The following MARCKS variants were observed in gnomAD, a reference collection of about 807,000 sequenced individuals.
The protein encoded by MARCKS is myristoylated alanine rich protein kinase C substrate, also known as myristoylated alanine-rich C-kinase substrate.
Under a neutral mutation model 6.3 loss-of-function variants are expected in MARCKS, and 4 were observed. The ratio of observed to expected loss-of-function variants is 0.63; its 90% confidence interval spans 0.31 to 1.45. The LOEUF (loss-of-function observed/expected upper bound fraction) is 1.45. Among genes scored for constraint, MARCKS ranks in the 40% most tolerant of loss-of-function variants. The pLI is 0.07. For synonymous variants in MARCKS, 289 were observed against 236.5 expected (o/e 1.22, Z -2.04); for missense variants, 636 against 485.7 (o/e 1.31, Z -2.91).
At chr6:113,858,280 G>T (rs978114704) in intron 1 of MARCKS, among the ~76,000 whole-genome samples, 2 of 151,302 alleles carry the variant, frequency 1.3e-5, no homozygotes, top group East Asian at 1.9e-4. Context: ...GGGGGGAGTC[G>T]GGAAAGGGGG....
rs1030248559 is a variant in MARCKS at position 113,861,734 on chromosome 6, C to G, written c.*1155C>G. ...TTTGCTTACAAAAATTGCTATTAAA[C>G]TCCTGCTTAAGGTGTTCTAATTTTC... On this transcript the variant is annotated 3_prime_UTR_variant, in exon 2 of 2. Coordinates refer to ENST00000612661, the MANE Select transcript of MARCKS (RefSeq NM_002356.7). The G allele has an allele frequency of 1.3e-5, 2 of 152,626 alleles. No individual in the cohort carries two copies. The highest frequency in any genetic ancestry group is 4.8e-5 in the African/African-American group (2 of 41,448). 9.5% of individuals were successfully genotyped at this position (152,626 alleles called of 1,614,324 possible). A position where few individuals can be genotyped will look rare whatever the true frequency, so the allele number is the denominator to read the frequency against.
Position 113,859,907 on chromosome 6 carries a change from G to C in MARCKS, c.327G>C (p.Ala109=). 6.9e-7 allele frequency: 1 copy of C among 1,449,902 alleles called. No individual in the cohort carries two copies. Among genetic ancestry groups the C allele is most frequent in the Non-Finnish European group, 9.1e-7 (1 of 1,104,756 alleles). 89.8% of individuals were successfully genotyped at this position (1,449,902 alleles called of 1,614,324 possible). A position where few individuals can be genotyped will look rare whatever the true frequency, so the allele number is the denominator to read the frequency against. ...GCCCGGTAGAGAAGGAGGCCCCCGC[G>C]GAAGGCGAGGCTGCCGAGCCCGGCT... is the stretch of plus-strand genomic sequence containing the variant. ...GASPVEKEAP[A]EGEAAEPGSP... The change falls in exon 2 of 2, where the codon GCG becomes GCC. Residue 109 remains alanine (A), a synonymous_variant. Coordinates refer to ENST00000612661, the MANE Select transcript of MARCKS (RefSeq NM_002356.7).
rs1774859016 is a variant in MARCKS at position 113,859,908 on chromosome 6, G to A, written c.328G>A (p.Glu110Lys). Residue 110 changes from glutamate (E) to lysine (K), a missense_variant, in exon 2 of 2, where the codon GAA (glutamate) becomes AAA (lysine). Glu to Lys is a moderately conservative substitution (Grantham distance 56). Coordinates refer to ENST00000612661, the MANE Select transcript of MARCKS (RefSeq NM_002356.7). ...ASPVEKEAPA[E>K]GEAAEPGSPT... Reference sequence around the variant, plus strand: ...CCCGGTAGAGAAGGAGGCCCCCGCGGAAGGCGAGGCTGCCGAGCCCGGCTC... The same window carrying A: ...CCCGGTAGAGAAGGAGGCCCCCGCGAAAGGCGAGGCTGCCGAGCCCGGCTC... The A allele has an allele frequency of 6.9e-7, 1 of 1,451,204 alleles. No homozygotes were observed. 89.9% of individuals were successfully genotyped at this position (1,451,204 alleles called of 1,614,324 possible).
intron 1 of MARCKS, among the ~76,000 whole-genome samples, chr6:113,858,866 T>C (rs1774830376): frequency 1.3e-5 from 2 of 152,152 alleles, no homozygotes; most frequent in Admixed American, 1.3e-4. Context: ...CAGGGGAAGG[T>C]GGGCGTGGAA....
At position 113,860,693 on chromosome 6, in the gene MARCKS, G is replaced by T; in HGVS notation, c.*114G>T. The T allele has an allele frequency of 2.7e-6, 2 of 728,068 alleles. No individual in the cohort carries two copies. Among genetic ancestry groups the T allele is most frequent in the African/African-American group, 1.9e-5 (1 of 52,946 alleles). 45.1% of individuals were successfully genotyped at this position (728,068 alleles called of 1,614,324 possible). On this transcript the variant is annotated 3_prime_UTR_variant, in exon 2 of 2. Coordinates refer to ENST00000612661, the MANE Select transcript of MARCKS (RefSeq NM_002356.7). ...TCTACAACCAGGGATTGATTTTAAA[G>T]ATGTCTTTTTTTATTTTACTTTTTT...
chr6:113,860,389 A>C lies in MARCKS; in HGVS notation c.809A>C (p.Glu270Ala). 1 of 1,261,716 alleles carries C rather than the reference A, an allele frequency of 7.9e-7. No homozygotes were observed. Among genetic ancestry groups the C allele is most frequent in the Non-Finnish European group, 1.0e-6 (1 of 977,202 alleles). 78.2% of individuals were successfully genotyped at this position (1,261,716 alleles called of 1,614,324 possible). Residue 270 changes from glutamate (E) to alanine (A), a missense_variant, in exon 2 of 2, where the codon GAG becomes GCG. Glu to Ala is a moderately radical substitution (Grantham distance 107). Coordinates refer to ENST00000612661, the MANE Select transcript of MARCKS (RefSeq NM_002356.7). The part of the protein sequence containing the change: ...EPSKVEEKKA[E>A]EAGASAAACE... The stretch of plus-strand genomic sequence containing the variant: ...AGCAAGGTGGAGGAGAAAAAGGCCG[A>C]GGAGGCCGGGGCCAGCGCCGCCGCC...
intron 1 of MARCKS, 28 bp downstream of exon 1, chr6:113,857,875 T>A (rs771467511): frequency 1.3e-6 from 2 of 1,543,386 alleles, no homozygotes; most frequent in African/African-American, 2.7e-5. Flanking sequence ...TTGTGGTCAT[T>A]TATTTCGTGT....
rs1378011069 is a variant in MARCKS, at chr6:113,862,874, G to A, written c.*2295G>A. ...TTTTTAGTTAGGGTTTCTTGATCTT[G>A]GAGGATGTTTGAAAGTTAAAAATTG... On this transcript the variant is annotated 3_prime_UTR_variant, in exon 2 of 2. Coordinates refer to ENST00000612661, the MANE Select transcript of MARCKS (RefSeq NM_002356.7). 6.6e-6 allele frequency: 1 copy of A among 152,124 alleles called. No homozygotes were observed. The highest frequency in any genetic ancestry group is 1.5e-5 in the Non-Finnish European group (1 of 67,990). 9.4% of individuals were successfully genotyped at this position (152,124 alleles called of 1,614,324 possible). A position where few individuals can be genotyped will look rare whatever the true frequency, so the allele number is the denominator to read the frequency against.
At position 113,857,609 on chromosome 6, in the gene MARCKS, C is replaced by CCCCT; in HGVS notation, c.-130_-127dup. ...TTCTGTCCTCTCCACCACCCCCACC[C>CCCCT]CCCTCCCTCCGGTGTGTGTGCCGCT... On this transcript the variant is annotated 5_prime_UTR_variant, in exon 1 of 2. Transcript: ENST00000612661. 1 of 370,888 alleles carries CCCCT rather than the reference C, an allele frequency of 2.7e-6. No individual in the cohort carries two copies. The highest frequency in any genetic ancestry group is 5.2e-6 in the Non-Finnish European group (1 of 193,546). 23.0% of individuals were successfully genotyped at this position (370,888 alleles called of 1,614,324 possible).
rs1774898350 is a variant in MARCKS at position 113,861,303 on chromosome 6, T to C, written c.*724T>C. 1.3e-5 allele frequency: 2 copies of C among 152,612 alleles called. No individual in the cohort carries two copies. The allele number at this position is 152,612 out of a possible 1,614,324, so 9.5% of individuals were successfully genotyped here. A position where few individuals can be genotyped will look rare whatever the true frequency, so the allele number is the denominator to read the frequency against. On this transcript the variant is annotated 3_prime_UTR_variant, in exon 2 of 2. Transcript: ENST00000612661. ...AGTGATTAAGTAGAACTACAAGTTGTATAGGCTTTATTGTTTATTGCTGGT... is the reference window on the plus strand; with the variant it reads ...AGTGATTAAGTAGAACTACAAGTTGCATAGGCTTTATTGTTTATTGCTGGT...
Position 113,860,029 on chromosome 6 carries a change from C to A in MARCKS, c.449C>A (p.Thr150Asn). The A allele has an allele frequency of 1.3e-6, 2 of 1,570,328 alleles. No individual in the cohort carries two copies. The highest frequency in any genetic ancestry group is 2.4e-5 in the East Asian group (1 of 41,962). ...DGATPSPSNE[T>N]PKKKKKRFSF... ...GCCACGCCCTCGCCCAGCAACGAGA[C>A]CCCGAAAAAAAAAAAGAAGCGCTTT... is the stretch of plus-strand genomic sequence containing the variant. Residue 150 changes from threonine to asparagine, a missense_variant, in exon 2 of 2, where the codon ACC becomes AAC. By Grantham distance (65) the Thr-to-Asn change is moderately conservative. Coordinates refer to ENST00000612661, the MANE Select transcript of MARCKS (RefSeq NM_002356.7).
chr6:113,860,020 G>A lies in MARCKS; in HGVS notation c.440G>A (p.Ser147Asn). 6.4e-7 allele frequency: 1 copy of A among 1,568,562 alleles called. No homozygotes were observed. The highest frequency in any genetic ancestry group is 1.8e-5 in the Admixed American group (1 of 55,950). ...KAEDGATPSP[S>N]NETPKKKKKR... is the part of the protein sequence containing the mutation. ...GAGGACGGGGCCACGCCCTCGCCCA[G>A]CAACGAGACCCCGAAAAAAAAAAAG... Residue 147 changes from serine (S) to asparagine (N), a missense_variant, in exon 2 of 2, where the codon AGC becomes AAC. Transcript: ENST00000612661.
chr6:113,860,996 T>TA lies in MARCKS; in HGVS notation c.*417_*418insA, dbSNP rs1171466209. 150,602 of 152,480 alleles carry TA rather than the reference T, an allele frequency of 0.99. 74,403 individuals are homozygous for TA. Among genetic ancestry groups the TA allele is most frequent in the East Asian group, 1 (5,184 of 5,184 alleles). The allele number at this position is 152,480 out of a possible 1,614,324, so 9.4% of individuals were successfully genotyped here. A position where few individuals can be genotyped will look rare whatever the true frequency, so the allele number is the denominator to read the frequency against. On this transcript the variant is annotated 3_prime_UTR_variant, in exon 2 of 2. Coordinates refer to ENST00000612661, the MANE Select transcript of MARCKS (RefSeq NM_002356.7). ...CAAAAAGGGATATCAAATGAAGTGATGGGGTCACAATGGGGAAATTGAAGT... is the reference window on the plus strand; with the variant it reads ...CAAAAAGGGATATCAAATGAAGTGATAGGGGTCACAATGGGGAAATTGAAGT...
chr6:113,859,822 C>T lies in MARCKS; in HGVS notation c.242C>T (p.Ser81Leu), dbSNP rs922728067. The change falls in exon 2 of 2, where the codon TCG becomes TTG. Residue 81 changes from serine to leucine, a missense_variant. Ser to Leu is a moderately radical substitution (Grantham distance 145). Coordinates refer to ENST00000612661, the MANE Select transcript of MARCKS (RefSeq NM_002356.7). ...GCGGCCGCCGGGAGCGGGGCGGCGTCGCCCTCCGCGGCCGAGAAAGGTGAG... is the reference window on the plus strand; with the variant it reads ...GCGGCCGCCGGGAGCGGGGCGGCGTTGCCCTCCGCGGCCGAGAAAGGTGAG... The part of the protein sequence containing the change: ...EPAAAGSGAA[S>L]PSAAEKGEPA... The T allele has an allele frequency of 7.2e-5, 93 of 1,298,584 alleles. No homozygotes were observed. The Middle Eastern group carries it at 1.8e-3, about 25-fold the overall frequency. The allele number at this position is 1,298,584 out of a possible 1,614,324, so 80.4% of individuals were successfully genotyped here.
At position 113,860,689 on chromosome 6, in the gene MARCKS, TA is replaced by T. The variant is rs1774887279; in HGVS notation, c.*113del. ...CTTGTCTACAACCAGGGATTGATTT[TA>T]AAGATGTCTTTTTTTATTTTACTTT... On this transcript the variant is annotated 3_prime_UTR_variant, in exon 2 of 2. Transcript: ENST00000612661. 1 of 755,074 alleles carries T rather than the reference TA, an allele frequency of 1.3e-6. No individual in the cohort carries two copies. Among genetic ancestry groups the T allele is most frequent in the Non-Finnish European group, 1.9e-6 (1 of 520,826 alleles). 46.8% of individuals were successfully genotyped at this position (755,074 alleles called of 1,614,324 possible).
At chr6:113,858,327 G>A (rs1774820539) in intron 1 of MARCKS, among the ~76,000 whole-genome samples, 1 of 152,176 alleles carries the variant, frequency 6.6e-6, no homozygotes. Flanking sequence ...GGCGAGGAGG[G>A]AAAGGCTGTC....
At chr6:113,858,225 T>C (rs1002575393) in intron 1 of MARCKS, among the ~76,000 whole-genome samples, 1 of 151,284 alleles carries the variant, frequency 6.6e-6, no homozygotes, top group Non-Finnish European at 1.5e-5. Context: ...GAAGCTGGAT[T>C]GTCTTCGAGA....
Position 113,860,777 on chromosome 6 carries a change from A to G in MARCKS, c.*198A>G, listed in dbSNP as rs1582441096. ...TCCCCTCCCCACAGATCCCATCTCAAATCATTCTGTTAACCACCATTCCAA... is the reference window on the plus strand; with the variant it reads ...TCCCCTCCCCACAGATCCCATCTCAGATCATTCTGTTAACCACCATTCCAA... On this transcript the variant is annotated 3_prime_UTR_variant, in exon 2 of 2. Coordinates refer to ENST00000612661, the MANE Select transcript of MARCKS (RefSeq NM_002356.7). 1 of 351,898 alleles carries G rather than the reference A, an allele frequency of 2.8e-6. No homozygotes were observed. The allele number at this position is 351,898 out of a possible 1,614,324, so 21.8% of individuals were successfully genotyped here.
At position 113,859,916 on chromosome 6, in the gene MARCKS, G is replaced by C; in HGVS notation, c.336G>C (p.Glu112Asp). 3 of 1,459,470 alleles carry C rather than the reference G, an allele frequency of 2.1e-6. No homozygotes were observed. The highest frequency in any genetic ancestry group is 2.7e-6 in the Non-Finnish European group (3 of 1,109,474). 90.4% of individuals were successfully genotyped at this position (1,459,470 alleles called of 1,614,324 possible). A position where few individuals can be genotyped will look rare whatever the true frequency, so the allele number is the denominator to read the frequency against. ...AGAAGGAGGCCCCCGCGGAAGGCGA[G>C]GCTGCCGAGCCCGGCTCGCCCACGG... Reference protein sequence around the residue: ...PVEKEAPAEGEAAEPGSPTAA... With the variant: ...PVEKEAPAEGDAAEPGSPTAA... The change falls in exon 2 of 2, where the codon GAG becomes GAC. Residue 112 changes from glutamate to aspartate, a missense_variant. By Grantham distance (45) the Glu-to-Asp change is conservative (BLOSUM62 2). Coordinates refer to ENST00000612661, the MANE Select transcript of MARCKS (RefSeq NM_002356.7).
Sources: allele counts gnomAD v4.1 joint callset (sites outside exome capture counted in the v4.1 genomes callset), GRCh38; gene constraint gnomAD v4.1.1; transcripts MANE v1.5; gene names NCBI Gene and HGNC (gene_info 2026-07-23, HGNC 2026-07-21).